The following EXOC6B variants were observed in gnomAD, a reference collection of about 807,000 sequenced individuals.
EXOC6B encodes the protein SEC15 homolog B.
A neutral mutation model predicts 113.5 loss-of-function variants in EXOC6B; 54 were observed. The observed-to-expected ratio is 0.48, with a 90% CI of 0.38 to 0.60. The LOEUF (loss-of-function observed/expected upper bound fraction) is 0.60. EXOC6B is among the 20% of genes least tolerant of loss of function. EXOC6B has a pLI of 0.00. For missense variants in EXOC6B, 797 were observed against 977.5 expected (o/e 0.82, Z 2.46); for synonymous variants, 357 against 339.0 (o/e 1.05, Z -0.58).
At position 72,324,743 on chromosome 2, in the gene EXOC6B, T is replaced by C. The variant is rs144595654; in HGVS notation, c.2196+10204A>G. On this transcript the variant is annotated intron_variant, in intron 20 of 21. Coordinates refer to ENST00000272427, the MANE Select transcript of EXOC6B (RefSeq NM_015189.3). ...TCCAAACCTAATCACCATGCTGCCCTGCCACCCAGTAGAGGGTTCCTGAAA... is the reference window on the plus strand; with the variant it reads ...TCCAAACCTAATCACCATGCTGCCCCGCCACCCAGTAGAGGGTTCCTGAAA... Among the ~76,000 whole-genome samples the C allele has an allele frequency of 4.7e-3, 714 of 152,258 alleles. 6 individuals are homozygous for C. Among genetic ancestry groups the C allele is most frequent in the African/African-American group, 0.015 (639 of 41,556 alleles).
At chr2:72,540,531 C>T (rs534689703) in intron 8 of EXOC6B, among the ~76,000 whole-genome samples, 41 of 152,126 alleles carry the variant, frequency 2.7e-4, no homozygotes, top group African/African-American at 7.5e-4. Flanking sequence ...TGTGCATTCC[C>T]GAGAATAGGA....
chr2:72,582,323 G>A (rs1349942297), intron 6 of EXOC6B, among the ~76,000 whole-genome samples: 1 of 151,852 alleles, frequency 6.6e-6, no homozygotes, highest in Non-Finnish European at 1.5e-5. Context: ...ACCAGCCTGG[G>A]CAACATGGAG....
chr2:72,403,234 C>T (rs893638651), intron 18 of EXOC6B, among the ~76,000 whole-genome samples: 1 of 152,094 alleles, frequency 6.6e-6, no homozygotes, highest in African/African-American at 2.4e-5. Context: ...ATTTTTTGTT[C>T]CACACACCTG....
intron 6 of EXOC6B, among the ~76,000 whole-genome samples, chr2:72,630,557 ACTT>A (rs781149377): frequency 5.9e-5 from 9 of 152,136 alleles, no homozygotes; most frequent in East Asian, 1.9e-4. Flanking sequence ...CATGATCATG[ACTT>A]CTTCTCCCAT....
rs1553417206 is a variant in EXOC6B, at chr2:72,465,341, T to C, written c.1801-2A>G. 1 of 1,564,954 alleles carries C rather than the reference T, an allele frequency of 6.4e-7. No homozygotes were observed. The highest frequency in any genetic ancestry group is 1.2e-5 in the South Asian group (1 of 84,072). On this transcript the variant is annotated splice_acceptor_variant, in intron 17 of 21. Coordinates refer to ENST00000272427, the MANE Select transcript of EXOC6B (RefSeq NM_015189.3). LOFTEE classifies it high-confidence loss of function. ...TTCTTCAGCTGCATGTCTAGCATCC[T>C]GTGAAAAAATATAAAATTTGAAAAA...
intron 1 of EXOC6B, among the ~76,000 whole-genome samples, chr2:72,773,115 A>ATTTTTTTT (rs1683493598): frequency 1.7e-5 from 2 of 118,258 alleles, no homozygotes; most frequent in African/African-American, 7.4e-5. Context: ...TAGACCTTAG[A>ATTTTTTTT]TTTTCTTTTT....
chr2:72,611,355 C>CA (rs1168624533), intron 6 of EXOC6B, among the ~76,000 whole-genome samples: 2,569 of 117,324 alleles, frequency 0.022, 85 homozygotes, highest in African/African-American at 0.072. Context: ...AAGACTGTCT[C>CA]AAAAAAAAAA....
chr2:72,297,772 GTTGTT>G (rs1240152989), intron 20 of EXOC6B, among the ~76,000 whole-genome samples: 1 of 152,180 alleles, frequency 6.6e-6, no homozygotes, highest in Non-Finnish European at 1.5e-5. Context: ...TCAGGAGCAG[GTTGTT>G]TAGTTTCCAT....
At chr2:72,376,785 C>T (rs1392057344) in intron 19 of EXOC6B, among the ~76,000 whole-genome samples, 1 of 152,098 alleles carries the variant, frequency 6.6e-6, no homozygotes, top group Non-Finnish European at 1.5e-5. Flanking sequence ...TCTTGCTTCT[C>T]TGCATGTCAA....
At chr2:72,766,433 G>A (rs1471692150) in intron 1 of EXOC6B, among the ~76,000 whole-genome samples, 2 of 151,994 alleles carry the variant, frequency 1.3e-5, no homozygotes, top group African/African-American at 2.4e-5. Flanking sequence ...TAAAAATCAA[G>A]ATTCACAGAT....
At chr2:72,559,051 C>A (rs1234029716) in intron 8 of EXOC6B, among the ~76,000 whole-genome samples, 2 of 152,096 alleles carry the variant, frequency 1.3e-5, no homozygotes, top group Non-Finnish European at 2.9e-5. Flanking sequence ...ATATCCCCCA[C>A]ACAGAGAGGT....
chr2:72,678,213 A>G (rs1676450207), intron 6 of EXOC6B, among the ~76,000 whole-genome samples: 1 of 152,278 alleles, frequency 6.6e-6, no homozygotes, highest in South Asian at 2.1e-4. Context: ...GCAATGTACC[A>G]ACAGCTGTTC....
chr2:72,450,444 AT>A (rs1371324780), intron 18 of EXOC6B, among the ~76,000 whole-genome samples: 1 of 152,222 alleles, frequency 6.6e-6, no homozygotes, highest in African/African-American at 2.4e-5. Flanking sequence ...TCTCACAACT[AT>A]CACATTATTT....
At chr2:72,331,726 T>G (rs1423429531) in intron 20 of EXOC6B, among the ~76,000 whole-genome samples, 1 of 152,162 alleles carries the variant, frequency 6.6e-6, no homozygotes, top group Non-Finnish European at 1.5e-5. Flanking sequence ...CTCAGAAATC[T>G]GACAAATGAG....
At chr2:72,271,667 T>C (rs545496898) in intron 20 of EXOC6B, among the ~76,000 whole-genome samples, 6 of 152,196 alleles carry the variant, frequency 3.9e-5, no homozygotes, top group Non-Finnish European at 8.8e-5. Context: ...GTAGCCTGTT[T>C]ACCTCTAGAG....
At chr2:72,304,039 G>A (rs558763500) in intron 20 of EXOC6B, among the ~76,000 whole-genome samples, 36 of 152,260 alleles carry the variant, frequency 2.4e-4, no homozygotes, top group African/African-American at 8.7e-4. Context: ...TTCCCTGGGT[G>A]GGGGAGGTTT....
At chr2:72,253,005 A>G (rs1683124833) in intron 20 of EXOC6B, among the ~76,000 whole-genome samples, 1 of 152,216 alleles carries the variant, frequency 6.6e-6, no homozygotes, top group African/African-American at 2.4e-5. Flanking sequence ...ACTTGAATTT[A>G]TAAGCAAAAA....
intron 8 of EXOC6B, among the ~76,000 whole-genome samples, chr2:72,558,037 C>A (rs1420374275): frequency 1.3e-4 from 19 of 147,406 alleles, no homozygotes; most frequent in African/African-American, 1.0e-4. Flanking sequence ...TTTATAAAAC[C>A]AAAAAAAAAA....
At chr2:72,401,622 C>T (rs191617637) in intron 18 of EXOC6B, among the ~76,000 whole-genome samples, 501 of 14,300 alleles carry the variant, frequency 0.035, 22 homozygotes, top group East Asian at 0.1. Flanking sequence ...TATATATATA[C>T]ATATATATAT....
Sources: gnomAD v4.1 joint callset for allele counts (sites outside exome capture counted in the v4.1 genomes callset) on GRCh38, gnomAD v4.1.1 for gene constraint, MANE v1.5 for transcripts, NCBI Gene and HGNC (gene_info 2026-07-23, HGNC 2026-07-21) for gene names.